CADM2: variants seen among roughly 807,000 people sequenced by gnomAD.
CADM2 encodes the protein cell adhesion molecule 2.
CADM2 carries 12 observed loss-of-function variants against 49.8 expected under a neutral mutation model. The observed-to-expected ratio is 0.24, with a 90% CI of 0.15 to 0.39. The LOEUF is 0.39. Among genes scored for constraint, CADM2 ranks in the 10% least tolerant of loss-of-function variants. The probability of loss-of-function intolerance (pLI) is 1.00; values close to 1 mark genes in which losing one functional copy is unlikely to be tolerated. For synonymous variants in CADM2, 214 were observed against 175.4 expected (o/e 1.22, Z -1.74); for missense variants, 378 against 492.3 (o/e 0.77, Z 2.20).
chr3:85,531,622 T>C (rs1042292651), intron 1 of CADM2, among the ~76,000 whole-genome samples: 4 of 152,230 alleles, frequency 2.6e-5, no homozygotes, highest in Admixed American at 6.5e-5. Context: ...TTCCAGCCTC[T>C]GTTTTTTTGC....
At chr3:85,476,940 T>G (rs1231166332) in intron 1 of CADM2, among the ~76,000 whole-genome samples, 3 of 142,124 alleles carry the variant, frequency 2.1e-5, no homozygotes. Context: ...ATCTATTTTC[T>G]GGGCAGTCAC....
chr3:85,326,346 G>C (rs1171315220), intron 1 of CADM2, among the ~76,000 whole-genome samples: 2 of 152,046 alleles, frequency 1.3e-5, no homozygotes, highest in Non-Finnish European at 2.9e-5. Context: ...ACTTAAGAAT[G>C]CTTATATTGG....
chr3:85,038,301 T>A (rs928732669), intron 1 of CADM2, among the ~76,000 whole-genome samples: 1 of 152,250 alleles, frequency 6.6e-6, no homozygotes, highest in Non-Finnish European at 1.5e-5. Flanking sequence ...TACTACAGAC[T>A]GTTTAGTGAA....
intron 3 of CADM2, among the ~76,000 whole-genome samples, chr3:85,875,140 A>G (rs761590013): frequency 4.6e-5 from 7 of 152,308 alleles, no homozygotes; most frequent in Middle Eastern, 3.4e-3. Flanking sequence ...CCAATTTTCC[A>G]GAAGATTGAT....
chr3:85,664,925 T>C (rs1343357314), intron 1 of CADM2, among the ~76,000 whole-genome samples: 3 of 152,000 alleles, frequency 2.0e-5, no homozygotes, highest in Non-Finnish European at 4.4e-5. Context: ...TAATAAATCA[T>C]TAATTTACTC....
chr3:85,465,266 G>A (rs2038441156), intron 1 of CADM2, among the ~76,000 whole-genome samples: 1 of 152,176 alleles, frequency 6.6e-6, no homozygotes, highest in South Asian at 2.1e-4. Context: ...CGCATAAGAT[G>A]TGGAACACAC....
chr3:85,575,433 C>T (rs766451281), intron 1 of CADM2, among the ~76,000 whole-genome samples: 11 of 152,132 alleles, frequency 7.2e-5, no homozygotes, highest in Admixed American at 2.0e-4. Context: ...CATCTGTACT[C>T]CCAGCTACAC....
chr3:85,540,590 C>T (rs1209064761), intron 1 of CADM2, among the ~76,000 whole-genome samples: 1 of 152,142 alleles, frequency 6.6e-6, no homozygotes, highest in Non-Finnish European at 1.5e-5. Flanking sequence ...CAGAGTCCTC[C>T]TCTGTACTCT....
chr3:86,023,227 T>C (rs918436614), intron 8 of CADM2, among the ~76,000 whole-genome samples: 1 of 152,184 alleles, frequency 6.6e-6, no homozygotes, highest in Non-Finnish European at 1.5e-5. Flanking sequence ...TATAAACAAA[T>C]GTAACACAAG....
At chr3:85,114,831 TTA>T (rs1348142000) in intron 1 of CADM2, among the ~76,000 whole-genome samples, 3 of 152,154 alleles carry the variant, frequency 2.0e-5, no homozygotes, top group African/African-American at 7.2e-5. Flanking sequence ...TCAGCACTTT[TTA>T]TATGACCTTT....
intron 2 of CADM2, among the ~76,000 whole-genome samples, chr3:85,769,704 A>G (rs2069970540): frequency 6.9e-6 from 1 of 144,416 alleles, no homozygotes; most frequent in African/African-American, 2.6e-5. Flanking sequence ...TGTTCTATAT[A>G]TTTTGCATAC....
chr3:86,024,197 C>T (rs754718957), intron 8 of CADM2, among the ~76,000 whole-genome samples: 1 of 152,200 alleles, frequency 6.6e-6, no homozygotes, highest in Non-Finnish European at 1.5e-5. Flanking sequence ...TTGACCCCAC[C>T]ATAGTAGGCT....
At chr3:85,300,474 T>G (rs1287865011) in intron 1 of CADM2, among the ~76,000 whole-genome samples, 1 of 152,118 alleles carries the variant, frequency 6.6e-6, no homozygotes, top group East Asian at 1.9e-4. Context: ...CTATTTATTT[T>G]TTAATTGACT....
chr3:85,215,413 A>G (rs1180692993), intron 1 of CADM2, among the ~76,000 whole-genome samples: 1 of 151,120 alleles, frequency 6.6e-6, no homozygotes, highest in Non-Finnish European at 1.5e-5. Context: ...GTTCAGGAGT[A>G]TAAGTTCAGG....
intron 1 of CADM2, among the ~76,000 whole-genome samples, chr3:85,052,201 C>G (rs192252735): frequency 6.6e-6 from 1 of 152,210 alleles, no homozygotes; most frequent in Admixed American, 6.5e-5. Context: ...GTGATTGAAG[C>G]TATTTCCCCG....
chr3:84,973,901 T>G (rs2031639068), intron 1 of CADM2, among the ~76,000 whole-genome samples: 3 of 152,180 alleles, frequency 2.0e-5, no homozygotes, highest in South Asian at 4.1e-4. Flanking sequence ...CCTTAAACTT[T>G]TATTCAATAT....
At chr3:85,250,982 G>T (rs1219891794) in intron 1 of CADM2, among the ~76,000 whole-genome samples, 3 of 151,690 alleles carry the variant, frequency 2.0e-5, no homozygotes, top group African/African-American at 7.2e-5. Context: ...AAATTCCAGT[G>T]TAATGGTACA....
intron 1 of CADM2, among the ~76,000 whole-genome samples, chr3:85,712,841 C>T (rs2067157172): frequency 6.6e-6 from 1 of 151,950 alleles, no homozygotes; most frequent in Non-Finnish European, 1.5e-5. Flanking sequence ...TCAAAATTAA[C>T]TTTTATAATA....
chr3:85,608,121 C>T (rs937691321), intron 1 of CADM2, among the ~76,000 whole-genome samples: 4 of 151,934 alleles, frequency 2.6e-5, no homozygotes, highest in East Asian at 1.9e-4. Flanking sequence ...ATTTTCAAAC[C>T]GTGTGGGCAT....
Sources: allele counts gnomAD v4.1 joint callset (sites outside exome capture counted in the v4.1 genomes callset), GRCh38; gene constraint gnomAD v4.1.1; transcripts MANE v1.5; gene names NCBI Gene and HGNC (gene_info 2026-07-23, HGNC 2026-07-21).